Variants in ADGRL2 observed in about 807,000 individuals in gnomAD.
The protein encoded by ADGRL2 is calcium-independent alpha-latrotoxin receptor 2.
ADGRL2 carries 44 observed loss-of-function variants against 157.4 expected under a neutral mutation model. The observed-to-expected ratio is 0.28, with a 90% CI of 0.22 to 0.36. The LOEUF is 0.36. ADGRL2 is among the 10% of genes least tolerant of loss of function. ADGRL2 has a pLI of 1.00. For synonymous variants in ADGRL2, 585 were observed against 624.7 expected (o/e 0.94, Z 0.95); for missense variants, 1,510 against 1,768.9 (o/e 0.85, Z 2.63).
intron 2 of ADGRL2, among the ~76,000 whole-genome samples, chr1:81,766,264 A>G (rs1163504831): frequency 1.3e-5 from 2 of 152,126 alleles, no homozygotes; most frequent in East Asian, 1.9e-4. Flanking sequence ...GTTAGTAGCC[A>G]TTGCCTTTGA....
At chr1:81,866,273 A>G (rs2093540826) in intron 2 of ADGRL2, among the ~76,000 whole-genome samples, 1 of 152,146 alleles carries the variant, frequency 6.6e-6, no homozygotes, top group Admixed American at 6.6e-5. Context: ...GGCTTTTCAT[A>G]GCCATTATAT....
At chr1:81,708,787 T>G (rs1177739269) in intron 1 of ADGRL2, among the ~76,000 whole-genome samples, 1 of 152,114 alleles carries the variant, frequency 6.6e-6, no homozygotes, top group East Asian at 1.9e-4. Flanking sequence ...ATACTTCAGC[T>G]AAACAATTTC....
intron 1 of ADGRL2, among the ~76,000 whole-genome samples, chr1:81,728,813 A>T (rs2084625818): frequency 6.6e-6 from 1 of 152,014 alleles, no homozygotes; most frequent in Non-Finnish European, 1.5e-5. Flanking sequence ...CTGGCTTTAG[A>T]TCCCTTTCCT....
chr1:81,646,542 G>A (rs1461334112), intron 3 of ADGRL2, among the ~76,000 whole-genome samples: 1 of 152,196 alleles, frequency 6.6e-6, no homozygotes, highest in Non-Finnish European at 1.5e-5. Context: ...TGGTATGGCT[G>A]TGGAGGGAAA....
At chr1:81,365,796 T>A (rs1038690540) in intron 1 of ADGRL2, among the ~76,000 whole-genome samples, 5 of 152,182 alleles carry the variant, frequency 3.3e-5, no homozygotes, top group Admixed American at 1.3e-4. Context: ...GGGTCCTTCA[T>A]CCTTGAGTGA....
intron 6 of ADGRL2, among the ~76,000 whole-genome samples, chr1:81,945,448 A>G (rs185711564): frequency 1.4e-3 from 210 of 152,262 alleles, no homozygotes; most frequent in Admixed American, 3.2e-3. Context: ...TACAAATTGC[A>G]AATTCATAAT....
chr1:81,383,008 T>C (rs2076369319), intron 1 of ADGRL2, among the ~76,000 whole-genome samples: 1 of 152,218 alleles, frequency 6.6e-6, no homozygotes, highest in South Asian at 2.1e-4. Context: ...TTGTATGTGT[T>C]AAGCACATAC....
intron 2 of ADGRL2, among the ~76,000 whole-genome samples, chr1:81,461,093 T>C (rs1388242172): frequency 6.6e-6 from 1 of 152,040 alleles, no homozygotes; most frequent in Non-Finnish European, 1.5e-5. Flanking sequence ...AGATCAAACA[T>C]AATCCAGATG....
At chr1:81,878,766 G>A (rs938432803) in intron 2 of ADGRL2, among the ~76,000 whole-genome samples, 1 of 152,116 alleles carries the variant, frequency 6.6e-6, no homozygotes, top group African/African-American at 2.4e-5. Flanking sequence ...AGAGTAAATG[G>A]TGTCATGGGA....
intron 1 of ADGRL2, among the ~76,000 whole-genome samples, chr1:81,439,179 G>A (rs963314517): frequency 1.3e-5 from 2 of 152,092 alleles, no homozygotes; most frequent in Admixed American, 1.3e-4. Context: ...ATTTAACTCT[G>A]TGCCCATGGA....
chr1:81,713,485 A>G (rs1474851244), intron 1 of ADGRL2, among the ~76,000 whole-genome samples: 1 of 152,226 alleles, frequency 6.6e-6, no homozygotes, highest in Non-Finnish European at 1.5e-5. Context: ...ACTAATGGCC[A>G]ATGATAGTGA....
intron 1 of ADGRL2, among the ~76,000 whole-genome samples, chr1:81,817,032 T>C (rs2090473325): frequency 6.6e-6 from 1 of 151,746 alleles, no homozygotes; most frequent in Non-Finnish European, 1.5e-5. Flanking sequence ...TTTATAGTAG[T>C]GTACCCATCA....
chr1:81,387,675 T>C (rs371308611), intron 1 of ADGRL2, among the ~76,000 whole-genome samples: 1 of 152,138 alleles, frequency 6.6e-6, no homozygotes, highest in East Asian at 1.9e-4. Context: ...TGTTAGATGA[T>C]AGGCACTGTG....
rs150838105 is a variant in ADGRL2, at chr1:81,877,019, C to T, written c.74-29998C>T. Among the ~76,000 whole-genome samples, 266 of 152,246 alleles carry T rather than the reference C, an allele frequency of 1.7e-3. 1 individual carries two copies. The highest frequency in any genetic ancestry group is 6.1e-3 in the African/African-American group (255 of 41,556). Reference sequence around the variant, plus strand: ...CTCTTCTTAACCACTCCTGCCCAACCGCTCATTCTACAATATTGAGCCTTA... The same window carrying T: ...CTCTTCTTAACCACTCCTGCCCAACTGCTCATTCTACAATATTGAGCCTTA... On this transcript the variant is annotated intron_variant, in intron 2 of 23. Transcript: ENST00000686636.
chr1:81,544,454 A>G (rs1460110299), intron 2 of ADGRL2, among the ~76,000 whole-genome samples: 1 of 152,208 alleles, frequency 6.6e-6, no homozygotes, highest in Non-Finnish European at 1.5e-5. Context: ...AATATAAATC[A>G]GGGGATACTT....
intron 3 of ADGRL2, among the ~76,000 whole-genome samples, chr1:81,650,776 C>T (rs960190579): frequency 1.3e-5 from 2 of 152,034 alleles, no homozygotes. Flanking sequence ...CTATTTAGCA[C>T]CCTTTAGGCT....
chr1:81,500,500 C>A (rs2078823337), intron 2 of ADGRL2, among the ~76,000 whole-genome samples: 1 of 152,110 alleles, frequency 6.6e-6, no homozygotes. Context: ...ACCCATGCTA[C>A]AATGTGGATG....
intron 3 of ADGRL2, among the ~76,000 whole-genome samples, chr1:81,589,772 A>G (rs1316815006): frequency 6.6e-6 from 1 of 152,200 alleles, no homozygotes; most frequent in Non-Finnish European, 1.5e-5. Context: ...TTGACCATAG[A>G]GGATAGTTTT....
intron 3 of ADGRL2, among the ~76,000 whole-genome samples, chr1:81,631,994 A>G (rs958895846): frequency 4.6e-5 from 7 of 152,200 alleles, no homozygotes; most frequent in African/African-American, 1.2e-4. Flanking sequence ...CCCATCAAAT[A>G]TTTATTATAT....
Sources: gnomAD v4.1 joint callset for allele counts (sites outside exome capture counted in the v4.1 genomes callset) on GRCh38, gnomAD v4.1.1 for gene constraint, MANE v1.5 for transcripts, NCBI Gene and HGNC (gene_info 2026-07-23, HGNC 2026-07-21) for gene names.